The following ADGRE3 variants were observed in gnomAD, a reference collection of about 807,000 sequenced individuals.
ADGRE3 encodes the protein adhesion G protein-coupled receptor E3.
A neutral mutation model predicts 80.1 loss-of-function variants in ADGRE3; 88 were observed. The ratio of observed to expected loss-of-function variants is 1.10; its 90% CI spans 0.93 to 1.31. ADGRE3 has a LOEUF of 1.31. ADGRE3 is among the 40% of genes most tolerant of loss of function. The pLI is 0.00. For missense variants in ADGRE3, 715 were observed against 776.5 expected (o/e 0.92, Z 0.94); for synonymous variants, 281 against 294.8 (o/e 0.95, Z 0.48).
downstream of ADGRE3, among the ~76,000 whole-genome samples, chr19:14,614,264 C>T (rs1479558714): frequency 6.6e-6 from 1 of 152,154 alleles, no homozygotes; most frequent in Non-Finnish European, 1.5e-5. Context: ...TCCCACATTT[C>T]AGAAGAGGGA....
Position 14,658,530 on chromosome 19 carries a change from T to G in ADGRE3, c.376A>C (p.Thr126Pro). Residue 126 changes from threonine (T) to proline (P), a missense_variant, in exon 5 of 16, where the codon ACC becomes CCC. Transcript: ENST00000253673. ...TCQDTTSSKTTEGRKELQKIV... is the reference protein window; with the variant it reads ...TCQDTTSSKTPEGRKELQKIV... ...CCACTCACCTCTTTCCTGCCCTCGG[T>G]TGTCTTTGAGGAGGTGGTGTCTGCA... 6.4e-7 allele frequency: 1 copy of G among 1,567,972 alleles called. No homozygotes were observed. Among genetic ancestry groups the G allele is most frequent in the South Asian group, 1.2e-5 (1 of 85,412 alleles).
chr19:14,651,287 T>G (rs1971601521), intron 6 of ADGRE3, 83 bp from the exon 7 acceptor site: 3 of 1,469,710 alleles, frequency 2.0e-6, no homozygotes, highest in Non-Finnish European at 2.8e-6. Flanking sequence ...TGGTGGTGCA[T>G]GCCTGTAGTC....
intron 13 of ADGRE3, among the ~76,000 whole-genome samples, chr19:14,632,716 CT>C (rs58638702): frequency 0.12 from 18,426 of 147,968 alleles, 1,225 homozygotes; most frequent in African/African-American, 0.18. Flanking sequence ...CTATTTTATT[CT>C]TTTTTTTTTT....
chr19:14,617,341 C>CCTCCCTCCCTCTCTCTCTTT, downstream of ADGRE3, among the ~76,000 whole-genome samples: 5 of 57,170 alleles, frequency 8.7e-5, no homozygotes, highest in Non-Finnish European at 1.8e-4. Context: ...TCCCTCCCTC[C>CCTCCCTCCCTCTCTCTCTTT]CTTTCTTTCT....
At chr19:14,649,066 ATC>A (rs1180742076) in intron 7 of ADGRE3, among the ~76,000 whole-genome samples, 2 of 123,910 alleles carry the variant, frequency 1.6e-5, no homozygotes, top group African/African-American at 3.2e-5. Context: ...CTCTAATTCC[ATC>A]TCTCTCTCCC....
intron 13 of ADGRE3, among the ~76,000 whole-genome samples, chr19:14,632,329 G>C (rs940503261): frequency 6.6e-6 from 1 of 152,170 alleles, no homozygotes; most frequent in African/African-American, 2.4e-5. Flanking sequence ...ACTCCTGTGT[G>C]TATCTTGTGT....
intron 9 of ADGRE3, 34 bp from the exon 10 acceptor site, chr19:14,641,650 T>C (rs774010639): frequency 2.1e-5 from 33 of 1,607,420 alleles, no homozygotes; most frequent in Admixed American, 3.4e-5. Flanking sequence ...CAGTGATGCT[T>C]TCCTGCACTG....
At chr19:14,636,012 T>TTCCTTCCTTCCTTCCTTCCTTC (rs1568480908) in intron 11 of ADGRE3, among the ~76,000 whole-genome samples, 1 of 99,248 alleles carries the variant, frequency 1.0e-5, no homozygotes, top group Non-Finnish European at 2.1e-5. Flanking sequence ...TCTCTTTCTT[T>TTCCTTCCTTCCTTCCTTCCTTC]CTTCCTTCCT....
intron 14 of ADGRE3, among the ~76,000 whole-genome samples, chr19:14,627,521 G>A (rs1188912134): frequency 6.6e-6 from 1 of 152,098 alleles, no homozygotes; most frequent in African/African-American, 2.4e-5. Context: ...GGGATTACAG[G>A]CAGGTGCCAC....
intron 15 of ADGRE3, among the ~76,000 whole-genome samples, chr19:14,620,803 T>G (rs1442010655): frequency 6.6e-6 from 1 of 150,674 alleles, no homozygotes; most frequent in East Asian, 2.0e-4. Flanking sequence ...CTCACTATAC[T>G]GCCCAGGTTA....
At chr19:14,630,378 A>G (rs1278829988) in intron 13 of ADGRE3, among the ~76,000 whole-genome samples, 171 bp from the exon 14 acceptor site, 2 of 149,630 alleles carry the variant, frequency 1.3e-5, no homozygotes, top group Non-Finnish European at 3.0e-5. Flanking sequence ...CCTTCTTGCA[A>G]CTCAGCTCCC....
At chr19:14,628,764 G>C (rs1231131411) in intron 14 of ADGRE3, 1 of 320,828 alleles carries the variant, frequency 3.1e-6, no homozygotes, top group Non-Finnish European at 6.1e-6. Flanking sequence ...AAGGAAGGCT[G>C]TGTGATCCTG....
intron 4 of ADGRE3, among the ~76,000 whole-genome samples, chr19:14,659,339 G>A (rs1431032442): frequency 1.3e-5 from 2 of 152,066 alleles, no homozygotes; most frequent in African/African-American, 4.8e-5. Flanking sequence ...CACCGTGCCT[G>A]GCCTCCAAAT....
chr19:14,661,232 C>T (rs566684303), intron 4 of ADGRE3, among the ~76,000 whole-genome samples: 1 of 152,242 alleles, frequency 6.6e-6, no homozygotes, highest in Non-Finnish European at 1.5e-5. Flanking sequence ...GTGAGCCACC[C>T]CTCCCAGCCG....
At chr19:14,650,356 C>G (rs565735415) in intron 7 of ADGRE3, among the ~76,000 whole-genome samples, 2 of 149,500 alleles carry the variant, frequency 1.3e-5, no homozygotes, top group East Asian at 4.0e-4. Context: ...TTTTCCATCT[C>G]TCTTCCCTTC....
intron 9 of ADGRE3, among the ~76,000 whole-genome samples, chr19:14,643,768 T>C (rs1036127997): frequency 6.6e-6 from 1 of 151,816 alleles, no homozygotes; most frequent in Non-Finnish European, 1.5e-5. Context: ...TGGAGTGCAA[T>C]GGCTTGCTCT....
chr19:14,628,688 T>C (rs1294683129), intron 14 of ADGRE3: 2 of 385,414 alleles, frequency 5.2e-6, no homozygotes, highest in African/African-American at 4.3e-5. Context: ...AGATGTGAGT[T>C]GCAAAAACTG....
chr19:14,639,099 C>T (rs1244621766), intron 10 of ADGRE3, among the ~76,000 whole-genome samples: 1 of 151,962 alleles, frequency 6.6e-6, no homozygotes, highest in Non-Finnish European at 1.5e-5. Context: ...ACTGTGTTGC[C>T]CAGGCCAGTC....
the ADGRE3 span, chr19:14,606,994 A>T: frequency 2.4e-6 from 3 of 1,276,050 alleles, no homozygotes; most frequent in Non-Finnish European, 3.0e-6. Flanking sequence ...TATTTGCAGA[A>T]TTTTGTGGCC....
Sources: gnomAD v4.1 joint callset for allele counts (sites outside exome capture counted in the v4.1 genomes callset) on GRCh38, gnomAD v4.1.1 for gene constraint, MANE v1.5 for transcripts, NCBI Gene and HGNC (gene_info 2026-07-23, HGNC 2026-07-21) for gene names.